The following GRM7 variants were observed in gnomAD, a reference collection of about 807,000 sequenced individuals.
GRM7 encodes metabotropic glutamate receptor 7.
A neutral mutation model predicts 84.5 loss-of-function variants in GRM7; 35 were observed. The ratio of observed to expected loss-of-function variants is 0.41; its 90% confidence interval spans 0.32 to 0.55. GRM7 has a LOEUF of 0.55. Among genes scored for constraint, GRM7 ranks in the 20% least tolerant of loss-of-function variants. The probability of loss-of-function intolerance (pLI) is 0.19; values close to 1 mark genes in which losing one functional copy is unlikely to be tolerated. For missense variants in GRM7, 1,003 were observed against 1,194.6 expected, an observed-to-expected ratio of 0.84 and a Z score of 2.36; for synonymous variants, 487 against 455.1, an observed-to-expected ratio of 1.07 and a Z score of -0.89.
intron 7 of GRM7, among the ~76,000 whole-genome samples, chr3:7,545,448 C>T (rs1693102281): frequency 6.6e-6 from 1 of 152,196 alleles, no homozygotes; most frequent in Non-Finnish European, 1.5e-5. Context: ...CTCACAGGCA[C>T]CATTTCTGTC....
chr3:7,158,856 A>G (rs897135103), intron 2 of GRM7, among the ~76,000 whole-genome samples: 2 of 152,192 alleles, frequency 1.3e-5, no homozygotes, highest in Admixed American at 1.3e-4. Flanking sequence ...TGCTATAGTA[A>G]CCTGGTAGAG....
chr3:7,372,647 G>GT (rs1462563951), intron 4 of GRM7, among the ~76,000 whole-genome samples: 1 of 152,098 alleles, frequency 6.6e-6, no homozygotes, highest in Admixed American at 6.5e-5. Context: ...AGTAGCAGGT[G>GT]TTTTAGAATT....
chr3:7,329,158 G>T (rs1405518269), intron 4 of GRM7, among the ~76,000 whole-genome samples: 4 of 151,952 alleles, frequency 2.6e-5, no homozygotes, highest in Admixed American at 6.6e-5. Context: ...TTGAACCAAG[G>T]CCACAAAATC....
At chr3:7,178,514 C>G (rs1351137602) in intron 2 of GRM7, among the ~76,000 whole-genome samples, 1 of 152,068 alleles carries the variant, frequency 6.6e-6, no homozygotes, top group Non-Finnish European at 1.5e-5. Context: ...CCTCAGCTCA[C>G]CTCTAATTTC....
chr3:7,237,791 G>A (rs1018394775), intron 2 of GRM7, among the ~76,000 whole-genome samples: 3 of 152,096 alleles, frequency 2.0e-5, no homozygotes, highest in African/African-American at 7.2e-5. Context: ...CCCTTATTTG[G>A]CCCTACACAC....
At chr3:7,289,004 T>A (rs886094564) in intron 2 of GRM7, among the ~76,000 whole-genome samples, 1 of 152,210 alleles carries the variant, frequency 6.6e-6, no homozygotes, top group African/African-American at 2.4e-5. Flanking sequence ...CCCATATACA[T>A]GCAGGTAAGA....
intron 1 of GRM7, among the ~76,000 whole-genome samples, chr3:6,903,763 C>T (rs929741316): frequency 2.0e-5 from 3 of 152,074 alleles, no homozygotes; most frequent in Non-Finnish European, 4.4e-5. Flanking sequence ...TCTCTTTAAC[C>T]GTATCCTTAA....
intron 3 of GRM7, among the ~76,000 whole-genome samples, chr3:7,305,206 C>G (rs1700145677): frequency 6.6e-6 from 1 of 152,078 alleles, no homozygotes; most frequent in South Asian, 2.1e-4. Flanking sequence ...CCTCCCATCC[C>G]CATCTGCAGT....
chr3:7,467,474 T>C (rs1306543617), intron 7 of GRM7, among the ~76,000 whole-genome samples: 1 of 152,158 alleles, frequency 6.6e-6, no homozygotes, highest in Non-Finnish European at 1.5e-5. Context: ...CCAATCACTG[T>C]AGCCATAGTG....
At chr3:7,011,088 AGGTTT>A (rs1192623126) in intron 1 of GRM7, among the ~76,000 whole-genome samples, 2 of 152,190 alleles carry the variant, frequency 1.3e-5, no homozygotes, top group African/African-American at 4.8e-5. Flanking sequence ...CAACATATGA[AGGTTT>A]TGTCCTCTCA....
intron 2 of GRM7, among the ~76,000 whole-genome samples, chr3:7,203,618 G>A (rs1341845355): frequency 6.6e-6 from 1 of 152,010 alleles, no homozygotes; most frequent in Non-Finnish European, 1.5e-5. Context: ...TGCAGTAGTT[G>A]GATTGCTGGA....
At chr3:7,416,033 A>AG (rs1229537550) in intron 5 of GRM7, among the ~76,000 whole-genome samples, 4 of 152,150 alleles carry the variant, frequency 2.6e-5, no homozygotes, top group Non-Finnish European at 5.9e-5. Flanking sequence ...TGGTTAGGGA[A>AG]GGAAAATAGG....
intron 1 of GRM7, among the ~76,000 whole-genome samples, chr3:6,972,632 T>C (rs1469437668): frequency 6.6e-6 from 1 of 152,148 alleles, no homozygotes; most frequent in African/African-American, 2.4e-5. Flanking sequence ...GGAAGCAGGA[T>C]TGCGGTGAAT....
intron 1 of GRM7, among the ~76,000 whole-genome samples, chr3:7,135,586 C>T (rs1475468416): frequency 2.0e-5 from 3 of 152,064 alleles, no homozygotes; most frequent in Admixed American, 6.6e-5. Context: ...GAACCACATT[C>T]GCCTTCCAAA....
At chr3:7,186,835 C>T (rs1451668012) in intron 2 of GRM7, among the ~76,000 whole-genome samples, 2 of 152,164 alleles carry the variant, frequency 1.3e-5, no homozygotes, top group Non-Finnish European at 2.9e-5. Context: ...TCAAAGTTCT[C>T]TTGGGGCTAG....
At chr3:7,214,401 G>A (rs1696533354) in intron 2 of GRM7, among the ~76,000 whole-genome samples, 1 of 152,184 alleles carries the variant, frequency 6.6e-6, no homozygotes, top group Non-Finnish European at 1.5e-5. Context: ...AAGCAAACAA[G>A]ACAAAGCCCC....
intron 1 of GRM7, among the ~76,000 whole-genome samples, chr3:6,870,942 C>A (rs1361129572): frequency 6.6e-6 from 1 of 152,054 alleles, no homozygotes; most frequent in East Asian, 1.9e-4. Flanking sequence ...AAGATCTGAA[C>A]TAGAGATACA....
intron 8 of GRM7, among the ~76,000 whole-genome samples, chr3:7,627,641 C>T (rs1318386709): frequency 6.6e-6 from 1 of 152,168 alleles, no homozygotes; most frequent in African/African-American, 2.4e-5. Flanking sequence ...TTTGCTAGGG[C>T]TGCCTTCACA....
intron 7 of GRM7, among the ~76,000 whole-genome samples, chr3:7,504,880 AGTC>A: frequency 1.3e-5 from 2 of 152,208 alleles, no homozygotes. Flanking sequence ...ATAGCCCCAC[AGTC>A]TTAACCATTC....
Sources: gnomAD v4.1 joint callset for allele counts (sites outside exome capture counted in the v4.1 genomes callset) on GRCh38, gnomAD v4.1.1 for gene constraint, MANE v1.5 for transcripts, NCBI Gene and HGNC (gene_info 2026-07-23, HGNC 2026-07-21) for gene names.